Variants in ANKS1B observed in about 807,000 individuals in gnomAD.
ANKS1B encodes ankyrin repeat and sterile alpha motif domain containing 1B, also known as ankyrin repeat and sterile alpha motif domain-containing protein 1B.
Under a neutral mutation model 148.3 loss-of-function variants are expected in ANKS1B, and 36 were observed. The observed-to-expected ratio is 0.24, with a 90% CI of 0.19 to 0.32. The LOEUF is 0.32. ANKS1B is among the 10% of genes least tolerant of loss of function. ANKS1B has a pLI of 1.00. For missense variants in ANKS1B, 1,157 were observed against 1,542.6 expected (o/e 0.75, Z 4.19); for synonymous variants, 542 against 560.8 (o/e 0.97, Z 0.47).
intron 11 of ANKS1B, among the ~76,000 whole-genome samples, chr12:99,417,442 A>C (rs1286329489): frequency 2.6e-5 from 4 of 152,198 alleles, no homozygotes; most frequent in South Asian, 4.1e-4. Context: ...CATTGTCTTA[A>C]GTACTGTAGC....
intron 1 of ANKS1B, among the ~76,000 whole-genome samples, chr12:99,862,690 A>G (rs905102622): frequency 4.6e-5 from 7 of 152,232 alleles, no homozygotes; most frequent in African/African-American, 1.7e-4. Flanking sequence ...ACAGAAACAC[A>G]AATTATTATA....
intron 4 of ANKS1B, among the ~76,000 whole-genome samples, chr12:99,787,139 T>C (rs1350153722): frequency 2.0e-5 from 3 of 152,184 alleles, no homozygotes; most frequent in Non-Finnish European, 4.4e-5. Flanking sequence ...ACATAATTGA[T>C]AGGGTTTGGC....
chr12:98,977,042 A>G (rs1172187827), intron 17 of ANKS1B, among the ~76,000 whole-genome samples: 2 of 152,264 alleles, frequency 1.3e-5, no homozygotes, highest in Non-Finnish European at 2.9e-5. Flanking sequence ...ATGAAAATGC[A>G]TCAGCATGTA....
chr12:99,090,903 T>C (rs1305865845), intron 15 of ANKS1B, among the ~76,000 whole-genome samples: 1 of 152,136 alleles, frequency 6.6e-6, no homozygotes, highest in Non-Finnish European at 1.5e-5. Flanking sequence ...ATGGATGATG[T>C]GCTTCTTCCA....
chr12:98,913,383 C>T (rs2099789369), intron 17 of ANKS1B, among the ~76,000 whole-genome samples: 1 of 152,138 alleles, frequency 6.6e-6, no homozygotes, highest in South Asian at 2.1e-4. Context: ...GCCTCCCCTT[C>T]TCTGTCTTCT....
intron 12 of ANKS1B, among the ~76,000 whole-genome samples, chr12:99,253,212 T>G (rs2074845862): frequency 6.7e-6 from 1 of 149,372 alleles, no homozygotes; most frequent in Admixed American, 6.7e-5. Flanking sequence ...GGCAACAGAG[T>G]GAGACCTTCT....
chr12:99,423,034 A>G (rs1326246811), intron 11 of ANKS1B, among the ~76,000 whole-genome samples: 1 of 152,172 alleles, frequency 6.6e-6, no homozygotes, highest in African/African-American at 2.4e-5. Context: ...GATGACTTCC[A>G]GTTTCTCTGG....
At chr12:99,633,579 A>C (rs1338060083) in intron 9 of ANKS1B, among the ~76,000 whole-genome samples, 3 of 152,214 alleles carry the variant, frequency 2.0e-5, no homozygotes, top group Non-Finnish European at 1.5e-5. Flanking sequence ...GGCATGGGCA[A>C]GGACTTCATG....
chr12:99,885,737 T>A (rs2092793469), intron 1 of ANKS1B, among the ~76,000 whole-genome samples: 2 of 152,182 alleles, frequency 1.3e-5, no homozygotes, highest in South Asian at 2.1e-4. Context: ...GTAGTTTTTT[T>A]ATCCCTTACC....
intron 17 of ANKS1B, among the ~76,000 whole-genome samples, chr12:98,972,687 G>T (rs1178377148): frequency 6.6e-6 from 1 of 152,126 alleles, no homozygotes; most frequent in Admixed American, 6.5e-5. Context: ...ATCAAATCAA[G>T]TACTAAAGAC....
At chr12:98,862,714 T>TCCCAAA (rs1366023786) in intron 17 of ANKS1B, among the ~76,000 whole-genome samples, 2 of 152,110 alleles carry the variant, frequency 1.3e-5, no homozygotes, top group Non-Finnish European at 2.9e-5. Context: ...ATCCCAATAA[T>TCCCAAA]ATAGGTTCTT....
intron 1 of ANKS1B, among the ~76,000 whole-genome samples, chr12:99,915,737 A>G (rs1300844817): frequency 6.6e-6 from 1 of 152,216 alleles, no homozygotes; most frequent in Admixed American, 6.5e-5. Flanking sequence ...GCTGTCACGA[A>G]CTAAGTGACT....
chr12:99,723,721 C>A (rs1294833871), intron 8 of ANKS1B, among the ~76,000 whole-genome samples: 2 of 152,078 alleles, frequency 1.3e-5, no homozygotes, highest in South Asian at 2.1e-4. Context: ...TGTCAGACAT[C>A]CTATACAGGA....
intron 12 of ANKS1B, among the ~76,000 whole-genome samples, chr12:99,393,942 T>C (rs2094159796): frequency 6.6e-6 from 1 of 152,202 alleles, no homozygotes; most frequent in Admixed American, 6.5e-5. Flanking sequence ...ACAACCTATG[T>C]AAAATTCAAC....
chr12:99,534,221 A>G (rs1450270017), intron 9 of ANKS1B, among the ~76,000 whole-genome samples: 3 of 152,240 alleles, frequency 2.0e-5, no homozygotes, highest in Admixed American at 1.3e-4. Flanking sequence ...CAGTCTTGTT[A>G]GAAGTATGTT....
chr12:99,162,096 T>A (rs1302096853), intron 14 of ANKS1B, among the ~76,000 whole-genome samples: 1 of 152,112 alleles, frequency 6.6e-6, no homozygotes. Context: ...TATTGTATAA[T>A]TCTGTTTAAA....
At chr12:99,782,997 T>A (rs530914751) in intron 4 of ANKS1B, among the ~76,000 whole-genome samples, 4 of 152,200 alleles carry the variant, frequency 2.6e-5, no homozygotes, top group African/African-American at 9.6e-5. Context: ...AGGACCAGTC[T>A]GACCAACATG....
At chr12:99,184,879 C>T (rs1040587271) in intron 14 of ANKS1B, among the ~76,000 whole-genome samples, 5 of 152,186 alleles carry the variant, frequency 3.3e-5, no homozygotes, top group African/African-American at 9.7e-5. Context: ...GCTTATATCA[C>T]AAGATTGCTC....
chr12:99,285,416 T>A (rs1264265975), intron 12 of ANKS1B, among the ~76,000 whole-genome samples: 2 of 152,230 alleles, frequency 1.3e-5, no homozygotes, highest in Non-Finnish European at 2.9e-5. Context: ...ATAAAGCTAC[T>A]ATGGACATTT....
Sources: gnomAD v4.1 joint callset for allele counts (sites outside exome capture counted in the v4.1 genomes callset) on GRCh38, gnomAD v4.1.1 for gene constraint, MANE v1.5 for transcripts, NCBI Gene and HGNC (gene_info 2026-07-23, HGNC 2026-07-21) for gene names.